The following PEAK1 variants were observed in gnomAD, a reference collection of about 807,000 sequenced individuals.
The protein encoded by PEAK1 is pseudopodium enriched atypical kinase 1.
PEAK1 carries 54 observed loss-of-function variants against 124.7 expected under a neutral mutation model. That is an observed-to-expected ratio of 0.43 (90% confidence interval 0.35 to 0.54). The LOEUF is 0.54. Ranked by LOEUF, PEAK1 falls within the 20% of genes least tolerant of loss-of-function variation. The pLI is 0.01. For synonymous variants in PEAK1, 719 were observed against 760.0 expected, an observed-to-expected ratio of 0.95 and a Z score of 0.89; for missense variants, 2,046 against 2,134.5, an observed-to-expected ratio of 0.96 and a Z score of 0.82.
chr15:77,324,165 T>C (rs1310365871), intron 2 of PEAK1, among the ~76,000 whole-genome samples: 2 of 152,226 alleles, frequency 1.3e-5, no homozygotes. Flanking sequence ...AAATGTTTGC[T>C]GAGTGAATGC....
intron 2 of PEAK1, among the ~76,000 whole-genome samples, chr15:77,328,783 G>A (rs1156788258): frequency 1.3e-5 from 2 of 152,126 alleles, no homozygotes; most frequent in Non-Finnish European, 2.9e-5. Context: ...AAACCACATA[G>A]TTGTTTTTGG....
chr15:77,400,156 T>C (rs1048878417), intron 1 of PEAK1, among the ~76,000 whole-genome samples: 5 of 151,980 alleles, frequency 3.3e-5, no homozygotes, highest in Non-Finnish European at 7.4e-5. Context: ...CAGGCAATAA[T>C]AACTGCCGGC....
intron 5 of PEAK1, among the ~76,000 whole-genome samples, chr15:77,257,559 C>T (rs1395429837): frequency 6.6e-6 from 1 of 151,522 alleles, no homozygotes; most frequent in Non-Finnish European, 1.5e-5. Context: ...CCTTCGCCCA[C>T]TTTTTGATGG....
At chr15:77,346,170 A>G (rs1447712639) in intron 2 of PEAK1, 1 of 978,026 alleles carries the variant, frequency 1.0e-6, no homozygotes, top group African/African-American at 1.8e-5. Context: ...CAATAAATAA[A>G]TTATTAAATC....
rs1426945068 is a variant in PEAK1, at chr15:77,180,678, G to GGACT, written c.1245_1248dup (p.Leu417SerfsTer18). The stretch of plus-strand genomic sequence containing the variant: ...TCTTTCTCTTCTAATCGGAGAGCAA[G>GGACT]GACTGCTTTGTGGGTCTCTGGAACT... On this transcript the variant is annotated frameshift_variant, in exon 7 of 10. Transcript: ENST00000682557. LOFTEE classifies it high-confidence loss of function. The GGACT allele has an allele frequency of 1.2e-6, 2 of 1,614,032 alleles. No individual in the cohort carries two copies. Among genetic ancestry groups the GGACT allele is most frequent in the Admixed American group, 3.3e-5 (2 of 60,002 alleles).
At chr15:77,413,741 A>G (rs1043698097) in intron 1 of PEAK1, among the ~76,000 whole-genome samples, 1 of 152,200 alleles carries the variant, frequency 6.6e-6, no homozygotes, top group Non-Finnish European at 1.5e-5. Context: ...TACCAATACT[A>G]ATTTCTTAGC....
chr15:77,252,664 C>G, intron 5 of PEAK1, 138 bp from the exon 6 acceptor site: 1 of 502,574 alleles, frequency 2.0e-6, no homozygotes, highest in Non-Finnish European at 2.6e-6. Context: ...AATATCTTTT[C>G]TACTTAGGTG....
intron 8 of PEAK1, among the ~76,000 whole-genome samples, chr15:77,154,119 TAA>T (rs1446251359): frequency 3.3e-5 from 5 of 152,166 alleles, no homozygotes; most frequent in African/African-American, 1.2e-4. Context: ...TGTGGGAGTC[TAA>T]GTCTCTTTGT....
chr15:77,263,352 C>T (rs567880460), intron 5 of PEAK1, among the ~76,000 whole-genome samples: 9 of 151,908 alleles, frequency 5.9e-5, no homozygotes, highest in East Asian at 1.9e-4. Context: ...ATTGATAGAC[C>T]GCTAGCTAGA....
intron 6 of PEAK1, among the ~76,000 whole-genome samples, chr15:77,192,679 G>C (rs1281502817): frequency 1.8e-4 from 28 of 152,174 alleles, no homozygotes; most frequent in Non-Finnish European, 5.9e-5. Context: ...GTGGGTGCCA[G>C]AGCACTAGGA....
chr15:77,377,774 A>C (rs1442563825), intron 1 of PEAK1, among the ~76,000 whole-genome samples: 1 of 152,112 alleles, frequency 6.6e-6, no homozygotes, highest in Non-Finnish European at 1.5e-5. Flanking sequence ...CAGGCCAACA[A>C]TGTTATACTC....
intron 2 of PEAK1, among the ~76,000 whole-genome samples, chr15:77,331,376 T>C (rs543582600): frequency 1.3e-5 from 2 of 152,196 alleles, no homozygotes; most frequent in South Asian, 4.1e-4. Flanking sequence ...GTGATCCACC[T>C]GCCTCGGCCT....
At chr15:77,357,382 C>T (rs1302776094) in intron 2 of PEAK1, among the ~76,000 whole-genome samples, 2 of 152,244 alleles carry the variant, frequency 1.3e-5, no homozygotes, top group Admixed American at 6.5e-5. Context: ...AAGCGACTCT[C>T]GTGCCTCAGC....
intron 2 of PEAK1, chr15:77,349,350 T>A: frequency 1.0e-6 from 1 of 983,128 alleles, no homozygotes; most frequent in South Asian, 4.7e-5. Flanking sequence ...CAGTCAATAA[T>A]TATTTTTTAA....
intron 8 of PEAK1, chr15:77,158,195 A>G (rs1471948112): frequency 3.1e-5 from 8 of 254,142 alleles, no homozygotes; most frequent in Admixed American, 4.8e-5. Flanking sequence ...TACCATGTGT[A>G]TATCTCTATC....
chr15:77,153,328 TG>T (rs1330442765), intron 8 of PEAK1, among the ~76,000 whole-genome samples: 2 of 152,328 alleles, frequency 1.3e-5, no homozygotes, highest in African/African-American at 4.8e-5. Context: ...GTGGGATCGG[TG>T]GTGATATCCC....
intron 5 of PEAK1, among the ~76,000 whole-genome samples, chr15:77,267,530 T>A (rs2061800968): frequency 6.6e-6 from 1 of 152,076 alleles, no homozygotes; most frequent in African/African-American, 2.4e-5. Context: ...ACAGATCACA[T>A]CATAAGACTC....
intron 2 of PEAK1, among the ~76,000 whole-genome samples, chr15:77,292,564 T>TA (rs2063278710): frequency 6.6e-6 from 1 of 151,672 alleles, no homozygotes; most frequent in Admixed American, 6.6e-5. Flanking sequence ...GTTTATAGTA[T>TA]AAGAACCGAA....
chr15:77,128,824 T>C (rs1260010653), intron 9 of PEAK1, among the ~76,000 whole-genome samples: 1 of 152,200 alleles, frequency 6.6e-6, no homozygotes, highest in African/African-American at 2.4e-5. Context: ...TTAGATGATA[T>C]TTAGATGAGA....
Sources: gnomAD v4.1 joint callset for allele counts (sites outside exome capture counted in the v4.1 genomes callset) on GRCh38, gnomAD v4.1.1 for gene constraint, MANE v1.5 for transcripts, NCBI Gene and HGNC (gene_info 2026-07-23, HGNC 2026-07-21) for gene names.